The following MAX variants were observed in gnomAD, a reference collection of about 807,000 sequenced individuals.
MAX encodes MYC associated transcriptional regulator X, also known as protein max.
In MAX, 3 loss-of-function variants were observed where a neutral mutation model predicts 22.3. That is an observed-to-expected ratio of 0.13 (90% CI 0.06 to 0.35). The LOEUF is 0.35. Among genes scored for constraint, MAX ranks in the 10% least tolerant of loss-of-function variants. MAX has a pLI of 1.00. For missense variants in MAX, 119 were observed against 209.4 expected (o/e 0.57, Z 2.66); for synonymous variants, 72 against 77.7 (o/e 0.93, Z 0.39).
At chr14:65,018,099 T>C (rs777386788) in intron 3 of MAX, among the ~76,000 whole-genome samples, 4 of 152,196 alleles carry the variant, frequency 2.6e-5, no homozygotes, top group Non-Finnish European at 5.9e-5. Context: ...CCCAGCACTT[T>C]GGGAGGCCAC....
rs76147832 is a variant in MAX at position 65,051,077 on chromosome 14, C to A, written c.171+42631G>T. 3.2e-4 allele frequency among the ~76,000 whole-genome samples: 49 copies of A among 152,336 alleles called. No individual in the cohort carries two copies. In the East Asian group the frequency reaches 8.9e-3, roughly 28 times the overall value. On this transcript the variant is annotated intron_variant, in intron 3 of 3. Transcript: ENST00000341653. ...CAAGTGTATCAAAGCATGTGGCCTG[C>A]AGCCAGCCTGAGATGGGAGATTGGA...
In MAX at chr14:65,027,802, G is replaced by T. The variant is rs772983193; in HGVS notation, c.172-21518C>A. 6.2e-7 allele frequency: 1 copy of T among 1,613,752 alleles called. No homozygotes were observed. The highest frequency in any genetic ancestry group is 1.1e-5 in the South Asian group (1 of 91,040). ...GTGAGGTGAGTGGGGTTTTGCACAGGCTGCCACATCAGTTGACTCTAGAGC... is the reference window on the plus strand; with the variant it reads ...GTGAGGTGAGTGGGGTTTTGCACAGTCTGCCACATCAGTTGACTCTAGAGC... On this transcript the variant is annotated intron_variant, in intron 3 of 3. Coordinates refer to the MAX transcript ENST00000341653. The surrounding 1 kb of genome is among the most constrained non-coding windows in gnomAD (Gnocchi z 5.7).
rs998800642 is a variant in MAX at position 65,032,992 on chromosome 14, T to G, written c.172-26708A>C. ...GAGCAATTTGACAGTATGTCAAAGG[T>G]GCCCTTGCGTAGGACCCAGTAATTC... On this transcript the variant is annotated intron_variant, in intron 3 of 3. Transcript: ENST00000341653. The surrounding 1 kb of genome is among the most constrained non-coding windows in gnomAD (Gnocchi z 5.0). Among the ~76,000 whole-genome samples, 3 of 152,188 alleles carry G rather than the reference T, an allele frequency of 2.0e-5. No individual in the cohort carries two copies. The highest frequency in any genetic ancestry group is 7.2e-5 in the African/African-American group (3 of 41,448).
At chr14:65,096,516 A>C (rs1256418) in intron 2 of MAX, among the ~76,000 whole-genome samples, 3 of 152,284 alleles carry the variant, frequency 2.0e-5, no homozygotes, top group Non-Finnish European at 2.9e-5. Flanking sequence ...CACCCAGACC[A>C]ATAACACTGC....
At chr14:65,040,156 T>G (rs921397691) in intron 3 of MAX, among the ~76,000 whole-genome samples, 1 of 152,126 alleles carries the variant, frequency 6.6e-6, no homozygotes, top group Non-Finnish European at 1.5e-5. Flanking sequence ...GCAGTCAACC[T>G]AGGTAACAGA....
chr14:65,044,254 G>C lies in MAX; in HGVS notation c.172-37970C>G. ...CAGATTGACTCCTGGAGATTCTGTC[G>C]GGCTGGATTTTGTCTCTTTTAGCCT... On this transcript the variant is annotated intron_variant, in intron 3 of 3. Coordinates refer to the MAX transcript ENST00000341653. The surrounding 1 kb of genome is among the most constrained non-coding windows in gnomAD (Gnocchi z 5.5). 2 of 1,606,450 alleles carry C rather than the reference G, an allele frequency of 1.2e-6. No homozygotes were observed. The highest frequency in any genetic ancestry group is 2.3e-5 in the East Asian group (1 of 44,196).
chr14:65,036,651 C>G (rs2062199584), intron 3 of MAX, among the ~76,000 whole-genome samples: 2 of 152,158 alleles, frequency 1.3e-5, no homozygotes, highest in South Asian at 4.1e-4. Flanking sequence ...TCTTCTGTCT[C>G]TCTTTTTCTA....
At chr14:65,038,253 AC>A (rs1327239598) in intron 3 of MAX, among the ~76,000 whole-genome samples, 1 of 151,522 alleles carries the variant, frequency 6.6e-6, no homozygotes, top group African/African-American at 2.4e-5. Flanking sequence ...TACAAAATAT[AC>A]AAAACATTAG....
intron 3 of MAX, among the ~76,000 whole-genome samples, chr14:65,086,984 C>T (rs960646195): frequency 6.6e-5 from 10 of 152,180 alleles, no homozygotes; most frequent in African/African-American, 2.2e-4. Flanking sequence ...CCCTGCATCC[C>T]GGCCACTCCA....
chr14:65,050,477 G>A (rs2062582040), intron 3 of MAX, among the ~76,000 whole-genome samples: 2 of 152,088 alleles, frequency 1.3e-5, no homozygotes, highest in African/African-American at 4.8e-5. Context: ...TGTAATCCAA[G>A]GTACTCAGGA....
At chr14:65,037,752 ATTTAT>A (rs765365959) in intron 3 of MAX, among the ~76,000 whole-genome samples, 2,245 of 103,526 alleles carry the variant, frequency 0.022, 43 homozygotes, top group East Asian at 0.11. Context: ...TTATTTATTT[ATTTAT>A]TTATTTATTT....
intron 3 of MAX, among the ~76,000 whole-genome samples, chr14:65,055,247 C>G (rs1461200301): frequency 3.3e-5 from 5 of 152,218 alleles, no homozygotes; most frequent in African/African-American, 1.2e-4. Flanking sequence ...GGGCAGGATG[C>G]TCACTGCTGC....
rs1595180271 is a variant in MAX at position 65,099,464 on chromosome 14, C to T, written c.63+2082G>A. ...TAATAATTTAATAACAAATTTATAT[C>T]AACGATCATATGGATGAAAATTTTG... On this transcript the variant is annotated intron_variant, in intron 2 of 4. Transcript: ENST00000358664. Among the ~76,000 whole-genome samples the T allele has an allele frequency of 3.3e-5, 5 of 150,292 alleles. No individual in the cohort carries two copies. The South Asian group carries it at 8.4e-4, about 25-fold the overall frequency.
At chr14:65,100,037 T>C (rs1414205295) in intron 2 of MAX, among the ~76,000 whole-genome samples, 1 of 152,244 alleles carries the variant, frequency 6.6e-6, no homozygotes, top group Non-Finnish European at 1.5e-5. Flanking sequence ...CAAGTTCTTA[T>C]ACCAGAGGTA....
Position 65,078,170 on chromosome 14 carries a change from A to G in MAX, c.172-134T>C. The G allele has an allele frequency of 1.1e-6, 1 of 877,688 alleles. No individual in the cohort carries two copies. The highest frequency in any genetic ancestry group is 1.9e-6 in the Non-Finnish European group (1 of 530,712). 54.4% of individuals were successfully genotyped at this position (877,688 alleles called of 1,614,324 possible). On this transcript the variant is annotated intron_variant, in intron 3 of 4. Transcript: ENST00000358664. This position sits in a 1 kb window ranked among gnomAD's most constrained non-coding sequence, Gnocchi z 6.4. ...GGTGGGAAAAGGCTGAAGAAATACA[A>G]TAATGGCTACTGTAGGCTTTATTTA...
In MAX at chr14:65,084,000, G is replaced by A. The variant is rs201636829; in HGVS notation, c.172-5964C>T. The A allele has an allele frequency of 4.5e-4, 665 of 1,492,534 alleles. 2 individuals carry two copies. In the East Asian group the frequency reaches 0.012, roughly 26 times the overall value. 92.5% of individuals were successfully genotyped at this position (1,492,534 alleles called of 1,614,324 possible). A position where few individuals can be genotyped will look rare whatever the true frequency, so the allele number is the denominator to read the frequency against. The stretch of plus-strand genomic sequence containing the variant: ...TCAATGCCAGCAAAGGAGGCTGGAA[G>A]GTTGTAAGGCCAGAGTCAGCACAGA... On this transcript the variant is annotated intron_variant, in intron 3 of 4. Coordinates refer to ENST00000358664, the MANE Select transcript of MAX (RefSeq NM_002382.5).
rs1172610694 is a variant in MAX at position 65,062,287 on chromosome 14, G to A, written c.171+31421C>T. 1.3e-5 allele frequency: 2 copies of A among 152,226 alleles called. No homozygotes were observed. Among genetic ancestry groups the A allele is most frequent in the African/African-American group, 4.8e-5 (2 of 41,448 alleles). The allele number at this position is 152,226 out of a possible 1,614,324, so 9.4% of individuals were successfully genotyped here. ...AACTTATGACTCAGGATTTATTCAC[G>A]TCCTGCCCACTCTAGGCTCACAGGA... On this transcript the variant is annotated intron_variant, in intron 3 of 3. Transcript: ENST00000341653. This position sits in a 1 kb window ranked among gnomAD's most constrained non-coding sequence, Gnocchi z 4.3.
rs2062067814 is a variant in MAX at position 65,030,892 on chromosome 14, C to T, written c.172-24608G>A. Among the ~76,000 whole-genome samples the T allele has an allele frequency of 6.6e-6, 1 of 152,208 alleles. No individual in the cohort carries two copies. The highest frequency in any genetic ancestry group is 1.5e-5 in the Non-Finnish European group (1 of 68,034). On this transcript the variant is annotated intron_variant, in intron 3 of 3. Coordinates refer to the MAX transcript ENST00000341653. This position sits in a 1 kb window ranked among gnomAD's most constrained non-coding sequence, Gnocchi z 4.5. Reference sequence around the variant, plus strand: ...GTGGGATCTTGGCTCACTGCAACCTCTGTCTCTGGGGTTCAAACGATTCTC... The same window carrying T: ...GTGGGATCTTGGCTCACTGCAACCTTTGTCTCTGGGGTTCAAACGATTCTC...
chr14:65,090,272 C>CA (rs1414016144), intron 3 of MAX: 5 of 152,092 alleles, frequency 3.3e-5, no homozygotes, highest in Admixed American at 3.3e-4. Context: ...ACTGCTTACA[C>CA]ATATGGTATA....
Sources: allele counts gnomAD v4.1 joint callset (sites outside exome capture counted in the v4.1 genomes callset), GRCh38; gene constraint gnomAD v4.1.1; non-coding constraint Gnocchi (gnomAD v3.1); transcripts MANE v1.5; gene names NCBI Gene and HGNC (gene_info 2026-07-23, HGNC 2026-07-21).